The following TOX variants were observed in gnomAD, a reference collection of about 807,000 sequenced individuals.
The protein encoded by TOX is thymocyte selection-associated high mobility group box protein TOX.
In TOX, 11 loss-of-function variants were observed where a neutral mutation model predicts 53.7. That is an observed-to-expected ratio of 0.20 (90% CI 0.13 to 0.34). The LOEUF is 0.34. TOX is among the 10% of genes least tolerant of loss of function. The pLI is 1.00. For missense variants in TOX, 570 were observed against 664.6 expected, an observed-to-expected ratio of 0.86 and a Z score of 1.56; for synonymous variants, 225 against 245.3, an observed-to-expected ratio of 0.92 and a Z score of 0.77.
chr8:58,988,789 G>C (rs981533519), intron 1 of TOX, among the ~76,000 whole-genome samples: 1 of 151,530 alleles, frequency 6.6e-6, no homozygotes, highest in East Asian at 1.9e-4. Context: ...ATTTCATGCA[G>C]TATTTCCCAG....
At position 59,108,695 on chromosome 8, in the gene TOX, C is replaced by T. The variant is rs747172598; in HGVS notation, c.102+10191G>A. On this transcript the variant is annotated intron_variant, in intron 1 of 8. Coordinates refer to ENST00000361421, the MANE Select transcript of TOX (RefSeq NM_014729.3). ...ACACACACACACACACATACACACA[C>T]AAGGTTATCAAAAGAGTAACAGAAA... Among the ~76,000 whole-genome samples the T allele has an allele frequency of 9.3e-5, 14 of 150,982 alleles. 1 individual carries two copies. Among genetic ancestry groups the T allele is most frequent in the Non-Finnish European group, 2.9e-5 (2 of 67,836 alleles).
intron 1 of TOX, among the ~76,000 whole-genome samples, chr8:58,989,556 T>C (rs898031326): frequency 6.6e-6 from 1 of 152,176 alleles, no homozygotes; most frequent in Non-Finnish European, 1.5e-5. Flanking sequence ...AAGAGCTACA[T>C]GTCTGCTTGA....
intron 3 of TOX, among the ~76,000 whole-genome samples, chr8:58,874,513 G>C (rs1308890577): frequency 6.6e-6 from 1 of 152,108 alleles, no homozygotes; most frequent in Non-Finnish European, 1.5e-5. Flanking sequence ...CCAAGGACAA[G>C]AATCATGCAC....
At chr8:59,070,506 A>AACACACACACACACACACACACACAC (rs371344375) in intron 1 of TOX, among the ~76,000 whole-genome samples, 4 of 140,108 alleles carry the variant, frequency 2.9e-5, no homozygotes, top group African/African-American at 1.1e-4. Context: ...TGTCAAGGAA[A>AACACACACACACACACACACACACAC]ACACACACAC....
At chr8:58,993,603 A>G (rs1813497061) in intron 1 of TOX, among the ~76,000 whole-genome samples, 1 of 152,230 alleles carries the variant, frequency 6.6e-6, no homozygotes, top group Non-Finnish European at 1.5e-5. Context: ...GAAAACAGTA[A>G]TAACACCCAG....
Position 58,851,849 on chromosome 8 carries a change from AGG to A in TOX, c.412-46_412-45del. The A allele has an allele frequency of 7.9e-7, 1 of 1,265,344 alleles. No homozygotes were observed. The allele number at this position is 1,265,344 out of a possible 1,614,324, so 78.4% of individuals were successfully genotyped here. On this transcript the variant is annotated intron_variant, in intron 3 of 8. Transcript: ENST00000361421. This position sits in a 1 kb window ranked among gnomAD's most constrained non-coding sequence, Gnocchi z 4.4. ...TAAATAAATAAATAAATAAATAAAT[AGG>A]AAAGGAGTAATTTTAACAAATATGT...
intron 3 of TOX, among the ~76,000 whole-genome samples, chr8:58,888,323 T>A (rs1811505753): frequency 1.3e-5 from 2 of 152,026 alleles, no homozygotes; most frequent in Admixed American, 6.6e-5. Context: ...CACCTAGTAA[T>A]AAGTAACTAG....
chr8:58,932,907 T>C (rs1812281151), intron 3 of TOX, among the ~76,000 whole-genome samples: 1 of 152,140 alleles, frequency 6.6e-6, no homozygotes, highest in African/African-American at 2.4e-5. Context: ...GTATATACAT[T>C]AGGCTTGCTT....
At chr8:58,942,879 T>G (rs561178135) in intron 2 of TOX, among the ~76,000 whole-genome samples, 1 of 152,276 alleles carries the variant, frequency 6.6e-6, no homozygotes, top group East Asian at 1.9e-4. Context: ...CTCCCATCTC[T>G]CTTGCTTCTT....
At chr8:59,047,203 G>GTTTTTTTTTTTTTTTTTTTTT (rs10551461) in intron 1 of TOX, among the ~76,000 whole-genome samples, 2 of 44,672 alleles carry the variant, frequency 4.5e-5, no homozygotes, top group Non-Finnish European at 8.0e-5. Flanking sequence ...ACCAAGAATT[G>GTTTTTTTTTTTTTTTTTTTTT]TTTTTTTTTT....
At chr8:59,037,822 AT>A (rs1464941211) in intron 1 of TOX, among the ~76,000 whole-genome samples, 4 of 146,250 alleles carry the variant, frequency 2.7e-5, no homozygotes, top group African/African-American at 1.0e-4. Context: ...AAAAAAAAAA[AT>A]TTGTACTTTT....
intron 1 of TOX, among the ~76,000 whole-genome samples, chr8:59,077,804 A>T (rs1033285250): frequency 6.6e-6 from 1 of 152,190 alleles, no homozygotes; most frequent in African/African-American, 2.4e-5. Context: ...TAAAAAAGGA[A>T]AATTTATTTA....
intron 1 of TOX, among the ~76,000 whole-genome samples, chr8:59,040,063 C>G (rs1047542146): frequency 1.3e-5 from 2 of 152,166 alleles, no homozygotes; most frequent in Non-Finnish European, 2.9e-5. Context: ...GGCGCGGCGG[C>G]TCACGCCTGT....
chr8:58,884,130 T>C (rs575452374), intron 3 of TOX, among the ~76,000 whole-genome samples: 21 of 152,310 alleles, frequency 1.4e-4, no homozygotes, highest in South Asian at 2.1e-4. Context: ...AGACAAGCAA[T>C]TGGAATGACA....
Position 58,806,860 on chromosome 8 carries a change from C to T in TOX, c.*887G>A, listed in dbSNP as rs534136056. ...CATAAAAAAAGATTAAATACAGACA[C>T]AGTATGAAGAAACAATAAGACAGAG... On this transcript the variant is annotated 3_prime_UTR_variant, in exon 9 of 9. Coordinates refer to ENST00000361421, the MANE Select transcript of TOX (RefSeq NM_014729.3). 6.6e-6 allele frequency: 1 copy of T among 152,658 alleles called. No homozygotes were observed. The highest frequency in any genetic ancestry group is 1.5e-5 in the Non-Finnish European group (1 of 68,026). 9.5% of individuals were successfully genotyped at this position (152,658 alleles called of 1,614,324 possible).
intron 3 of TOX, among the ~76,000 whole-genome samples, chr8:58,889,174 T>C (rs779797384): frequency 6.7e-6 from 1 of 149,398 alleles, no homozygotes; most frequent in Non-Finnish European, 1.5e-5. Context: ...TATAAGATAT[T>C]TATACAGGGC....
At position 58,913,869 on chromosome 8, in the gene TOX, T is replaced by A. The variant is rs1247136126; in HGVS notation, c.411+25433A>T. ...ACATTAAAATTCAAAAATCACTGAG[T>A]TTTGCTCAAAGTTAGCTTTCACTTA... On this transcript the variant is annotated intron_variant, in intron 3 of 8. Coordinates refer to ENST00000361421, the MANE Select transcript of TOX (RefSeq NM_014729.3). Among the ~76,000 whole-genome samples the A allele has an allele frequency of 2.6e-5, 4 of 151,690 alleles. No individual in the cohort carries two copies. The East Asian group carries it at 7.7e-4, about 29-fold the overall frequency.
Position 58,807,587 on chromosome 8 carries a change from T to C in TOX, c.*160A>G, listed in dbSNP as rs1173982974. ...TAAAAAAATAATAAAGAAGCATGACTATTTCTTCCAGAGTGGGTGACCCAC... is the reference window on the plus strand; with the variant it reads ...TAAAAAAATAATAAAGAAGCATGACCATTTCTTCCAGAGTGGGTGACCCAC... On this transcript the variant is annotated 3_prime_UTR_variant, in exon 9 of 9. Transcript: ENST00000361421. The C allele has an allele frequency of 6.1e-6, 4 of 659,946 alleles. No homozygotes were observed. The East Asian group carries it at 8.2e-5, about 14-fold the overall frequency. The allele number at this position is 659,946 out of a possible 1,614,324, so 40.9% of individuals were successfully genotyped here. A position where few individuals can be genotyped will look rare whatever the true frequency, so the allele number is the denominator to read the frequency against.
chr8:59,099,975 A>G (rs942603233), intron 1 of TOX, among the ~76,000 whole-genome samples: 6 of 152,192 alleles, frequency 3.9e-5, no homozygotes, highest in African/African-American at 1.2e-4. Context: ...AATGTACTCA[A>G]TATTTGAATA....
Sources: allele counts gnomAD v4.1 joint callset (sites outside exome capture counted in the v4.1 genomes callset), GRCh38; gene constraint gnomAD v4.1.1; non-coding constraint Gnocchi (gnomAD v3.1); transcripts MANE v1.5; gene names NCBI Gene and HGNC (gene_info 2026-07-23, HGNC 2026-07-21).